Variants in MARCHF1 observed in about 807,000 individuals in gnomAD.
The protein encoded by MARCHF1 is E3 ubiquitin-protein ligase MARCHF1.
In MARCHF1, 40 loss-of-function variants were observed where a neutral mutation model predicts 54.2. That is an observed-to-expected ratio of 0.74 (90% CI 0.57 to 0.96). MARCHF1 has a LOEUF of 0.96. MARCHF1 is among the 40% of genes least tolerant of loss of function. The pLI is 0.00. For missense variants in MARCHF1, 586 were observed against 656.5 expected, an observed-to-expected ratio of 0.89 and a Z score of 1.17; for synonymous variants, 236 against 236.3, an observed-to-expected ratio of 1.00 and a Z score of 0.01.
chr4:163,911,541 T>G lies in MARCHF1; in HGVS notation c.-38-57372A>C, dbSNP rs571433922. Among the ~76,000 whole-genome samples the G allele has an allele frequency of 2.0e-5, 3 of 152,270 alleles. No homozygotes were observed. The South Asian group carries it at 6.2e-4, about 32-fold the overall frequency. On this transcript the variant is annotated intron_variant, in intron 3 of 9. Coordinates refer to ENST00000514618, the MANE Select transcript of MARCHF1 (RefSeq NM_001394959.1). ...TTACAGCATTTGAACATCCCCTATG[T>G]TGTATCCATTAGGAATATATTCTGG...
intron 1 of MARCHF1, among the ~76,000 whole-genome samples, chr4:164,315,439 A>C (rs1168605078): frequency 2.0e-5 from 3 of 152,152 alleles, no homozygotes; most frequent in African/African-American, 7.2e-5. Flanking sequence ...ACAAGGTAAA[A>C]AGCACTTCAA....
chr4:164,128,833 C>T (rs767742742), intron 1 of MARCHF1, among the ~76,000 whole-genome samples: 17 of 152,158 alleles, frequency 1.1e-4, no homozygotes, highest in Non-Finnish European at 1.6e-4. Flanking sequence ...CAAAAGCCAG[C>T]ATTGGATTAT....
At chr4:164,183,426 AT>A (rs1373520623) in intron 1 of MARCHF1, among the ~76,000 whole-genome samples, 1 of 151,928 alleles carries the variant, frequency 6.6e-6, no homozygotes, top group African/African-American at 2.4e-5. Flanking sequence ...TCTTTTCCCC[AT>A]TTTTTCATTT....
chr4:164,155,590 G>T (rs527990218), intron 1 of MARCHF1, among the ~76,000 whole-genome samples: 3 of 151,988 alleles, frequency 2.0e-5, no homozygotes, highest in African/African-American at 7.2e-5. Context: ...AAAGCAAGTC[G>T]AATACCACAT....
chr4:163,550,949 C>A (rs1014296008), intron 8 of MARCHF1, among the ~76,000 whole-genome samples: 1 of 152,152 alleles, frequency 6.6e-6, no homozygotes, highest in African/African-American at 2.4e-5. Context: ...CTTTAACAAG[C>A]CCTCAGGTGA....
chr4:163,847,769 C>T (rs540669608), intron 4 of MARCHF1, among the ~76,000 whole-genome samples: 3 of 151,590 alleles, frequency 2.0e-5, no homozygotes, highest in Admixed American at 6.6e-5. Context: ...TTATTAGAGA[C>T]AGGATTTCAC....
intron 4 of MARCHF1, among the ~76,000 whole-genome samples, chr4:163,848,925 C>T (rs1025505520): frequency 5.3e-5 from 8 of 152,086 alleles, no homozygotes; most frequent in South Asian, 2.1e-4. Context: ...ATACATAAAA[C>T]GGCGGTGAGA....
At chr4:164,092,809 T>A (rs1755332533) in intron 2 of MARCHF1, among the ~76,000 whole-genome samples, 1 of 151,650 alleles carries the variant, frequency 6.6e-6, no homozygotes, top group South Asian at 2.1e-4. Context: ...ATCTCAATTA[T>A]CAGAAGGAAA....
chr4:163,687,231 C>CTT (rs753785368), intron 5 of MARCHF1, among the ~76,000 whole-genome samples: 2 of 142,990 alleles, frequency 1.4e-5, no homozygotes, highest in Non-Finnish European at 3.1e-5. Flanking sequence ...GAAGTCAGAT[C>CTT]TTTTTTTTTT....
chr4:163,872,998 C>G (rs917723317), intron 3 of MARCHF1, among the ~76,000 whole-genome samples: 5 of 151,764 alleles, frequency 3.3e-5, no homozygotes, highest in Non-Finnish European at 7.4e-5. Flanking sequence ...GAGCCGAGAT[C>G]GCGCCACTGC....
At chr4:163,831,195 G>A (rs2111094020) in intron 4 of MARCHF1, among the ~76,000 whole-genome samples, 1 of 152,260 alleles carries the variant, frequency 6.6e-6, no homozygotes, top group South Asian at 2.1e-4. Context: ...AGGGAGTGGG[G>A]GCTAGATGCC....
chr4:163,917,152 C>A (rs1017938258), intron 3 of MARCHF1, among the ~76,000 whole-genome samples: 2 of 152,122 alleles, frequency 1.3e-5, no homozygotes, highest in Admixed American at 1.3e-4. Context: ...ACTTGGAGTT[C>A]TTCCATGACT....
intron 3 of MARCHF1, among the ~76,000 whole-genome samples, chr4:163,958,114 C>T (rs1452003121): frequency 6.6e-6 from 1 of 151,932 alleles, no homozygotes; most frequent in African/African-American, 2.4e-5. Flanking sequence ...TTATAACATT[C>T]CTGTCTGATG....
intron 2 of MARCHF1, among the ~76,000 whole-genome samples, chr4:164,065,360 C>G (rs984566029): frequency 1.3e-5 from 2 of 152,144 alleles, no homozygotes; most frequent in East Asian, 3.8e-4. Context: ...CTAGGCAATA[C>G]CATATGGACA....
intron 3 of MARCHF1, among the ~76,000 whole-genome samples, chr4:163,923,716 C>A (rs1751478802): frequency 6.7e-6 from 1 of 149,166 alleles, no homozygotes; most frequent in Non-Finnish European, 1.5e-5. Flanking sequence ...TTAATATATA[C>A]ATTTATGCTA....
intron 3 of MARCHF1, among the ~76,000 whole-genome samples, chr4:163,934,036 C>A (rs1251624201): frequency 3.3e-5 from 5 of 152,250 alleles, no homozygotes; most frequent in Admixed American, 6.5e-5. Context: ...TAATACACTG[C>A]AAAGGGGAAA....
At chr4:163,900,165 T>G (rs910311701) in intron 3 of MARCHF1, among the ~76,000 whole-genome samples, 2 of 152,148 alleles carry the variant, frequency 1.3e-5, no homozygotes, top group Admixed American at 1.3e-4. Context: ...ACGAACTCAA[T>G]GAAGTTTTGT....
intron 2 of MARCHF1, among the ~76,000 whole-genome samples, chr4:164,048,427 T>A (rs1390349179): frequency 6.6e-6 from 1 of 152,184 alleles, no homozygotes; most frequent in African/African-American, 2.4e-5. Flanking sequence ...ATCATCTGAA[T>A]CATCAAAATT....
chr4:163,702,423 T>C (rs1466855235), intron 4 of MARCHF1, among the ~76,000 whole-genome samples: 1 of 152,188 alleles, frequency 6.6e-6, no homozygotes, highest in African/African-American at 2.4e-5. Context: ...CATAATATAA[T>C]AGGCTTTGGG....
Sources: allele counts gnomAD v4.1 joint callset (sites outside exome capture counted in the v4.1 genomes callset), GRCh38; gene constraint gnomAD v4.1.1; transcripts MANE v1.5; gene names NCBI Gene and HGNC (gene_info 2026-07-23, HGNC 2026-07-21).